MYO1H: variants seen among roughly 807,000 people sequenced by gnomAD.
MYO1H encodes the protein myosin IH, also known as unconventional myosin-Ih.
A neutral mutation model predicts 149.3 loss-of-function variants in MYO1H; 118 were observed. That is an observed-to-expected ratio of 0.79 (90% CI 0.68 to 0.92). The LOEUF (loss-of-function observed/expected upper bound fraction) is 0.92, where lower values mean the gene tolerates loss of function less well. Among genes scored for constraint, MYO1H ranks in the 40% least tolerant of loss-of-function variants. MYO1H has a pLI of 0.00. For synonymous variants in MYO1H, 447 were observed against 465.2 expected, an observed-to-expected ratio of 0.96 and a Z score of 0.50; for missense variants, 1,212 against 1,280.7, an observed-to-expected ratio of 0.95 and a Z score of 0.82.
intron 4 of MYO1H, 150 bp from the exon 5 acceptor site, chr12:109,397,582 G>A (rs1410541643): frequency 5.7e-6 from 3 of 530,582 alleles, no homozygotes; most frequent in Middle Eastern, 2.8e-4. Context: ...TGTAGTTAGC[G>A]ATTCCTTCTT....
intron 6 of MYO1H, 64 bp downstream of exon 6, chr12:109,401,336 G>T: frequency 6.7e-7 from 1 of 1,495,126 alleles, no homozygotes; most frequent in Non-Finnish European, 9.0e-7. Flanking sequence ...ATGTTTCTAC[G>T]TGCTGCTGTA....
At chr12:109,319,447 AATAG>A in the MYO1H span, among the ~76,000 whole-genome samples, 1 of 152,206 alleles carries the variant, frequency 6.6e-6, no homozygotes, top group East Asian at 1.9e-4. Flanking sequence ...GTGCTTGTTT[AATAG>A]ATATAGAGTT....
At chr12:109,369,375 G>T (rs1298167281) in intron 1 of MYO1H, among the ~76,000 whole-genome samples, 2 of 152,282 alleles carry the variant, frequency 1.3e-5, no homozygotes, top group South Asian at 2.1e-4. Context: ...ATGTGATTTT[G>T]TCTGGATAAA....
chr12:109,435,441 C>T (rs1204492675), intron 21 of MYO1H, among the ~76,000 whole-genome samples: 1 of 152,134 alleles, frequency 6.6e-6, no homozygotes, highest in Non-Finnish European at 1.5e-5. Flanking sequence ...CACTTGTCTG[C>T]GTGTCTGATG....
Position 109,424,787 on chromosome 12 carries a change from T to G in MYO1H, c.1684T>G (p.Phe562Val), listed in dbSNP as rs777762380. The change falls in exon 17 of 32, where the codon TTC (phenylalanine) becomes GTC (valine). Residue 562 changes from phenylalanine (F) to valine (V), a missense_variant. By Grantham distance (50) the Phe-to-Val change is conservative. Coordinates refer to ENST00000310903, the Ensembl canonical transcript of MYO1H. ...CAAGAACATTATCCTGAGGGAATGC[T>G]TCCTGCTGGCCGAGTTAGAAAACCG... 5 of 1,613,964 alleles carry G rather than the reference T, an allele frequency of 3.1e-6. No homozygotes were observed. The South Asian group carries it at 5.5e-5, about 18-fold the overall frequency.
chr12:109,366,537 A>C (rs981163185), intron 1 of MYO1H, among the ~76,000 whole-genome samples: 2 of 152,204 alleles, frequency 1.3e-5, no homozygotes, highest in African/African-American at 4.8e-5. Context: ...AGAGGACAAG[A>C]AACCGTACTC....
rs7299173 is a variant in MYO1H at position 109,372,884 on chromosome 12, A to C, written c.13-15799A>C. ...TATATGATATTGAATCTCCCTATCC[A>C]AGAACATAGTATATCTTTCCATTTG... On this transcript the variant is annotated intron_variant, in intron 1 of 31. Transcript: ENST00000310903. 2.9e-3 allele frequency among the ~76,000 whole-genome samples: 441 copies of C among 152,206 alleles called. 4 individuals are homozygous for C. Among genetic ancestry groups the C allele is most frequent in the African/African-American group, 9.5e-3 (397 of 41,574 alleles).
chr12:109,358,464 A>G (rs900375124), intron 1 of MYO1H, among the ~76,000 whole-genome samples: 11 of 152,334 alleles, frequency 7.2e-5, no homozygotes, highest in African/African-American at 2.4e-4. Flanking sequence ...CAGATAAAAC[A>G]GGGCTTCTCA....
At chr12:109,447,407 C>A in exon 32 of MYO1H, 1 of 602,460 alleles carries the variant, frequency 1.7e-6, no homozygotes, top group South Asian at 2.0e-5. Flanking sequence ...GGAAGCAGAC[C>A]CCAGGTCACC....
intron 11 of MYO1H, 27 bp from the exon 12 acceptor site, chr12:109,409,936 A>T: frequency 7.8e-7 from 1 of 1,280,110 alleles, no homozygotes; most frequent in Non-Finnish European, 1.1e-6. Context: ...ATATAACTTT[A>T]GTTACTTAAA....
chr12:109,374,049 T>C (rs1403106067), intron 1 of MYO1H, among the ~76,000 whole-genome samples: 3 of 152,250 alleles, frequency 2.0e-5, no homozygotes, highest in Non-Finnish European at 2.9e-5. Context: ...AGAATTAAAC[T>C]ACATATACTC....
At chr12:109,339,768 A>C in the MYO1H span, among the ~76,000 whole-genome samples, 3 of 152,240 alleles carry the variant, frequency 2.0e-5, no homozygotes, top group Non-Finnish European at 4.4e-5. Flanking sequence ...AGCCTTCCTT[A>C]CCATTATGAA....
rs555950297 is a variant in MYO1H, at chr12:109,420,085, A to G, written c.1598-896A>G. Among the ~76,000 whole-genome samples the G allele has an allele frequency of 5.9e-5, 9 of 152,258 alleles. No individual in the cohort carries two copies. The South Asian group carries it at 1.9e-3, about 32-fold the overall frequency. The stretch of plus-strand genomic sequence containing the variant: ...TCGTGGGGAATTTTCTCATCTATTT[A>G]GAGTCCCAGCTGGCTGTCCTTGAAG... On this transcript the variant is annotated intron_variant, in intron 15 of 31. Transcript: ENST00000310903.
chr12:109,322,228 CTT>C, the MYO1H span, among the ~76,000 whole-genome samples: 1 of 152,144 alleles, frequency 6.6e-6, no homozygotes. Flanking sequence ...CTCCATTAAT[CTT>C]TGCCTGGAGC....
At chr12:109,432,859 T>A (rs1186050225) in intron 19 of MYO1H, 38 bp from the exon 20 acceptor site, 1 of 1,568,864 alleles carries the variant, frequency 6.4e-7, no homozygotes, top group Non-Finnish European at 8.8e-7. Flanking sequence ...TAGAGGAAGG[T>A]ACGGTCACAG....
the MYO1H span, among the ~76,000 whole-genome samples, chr12:109,318,943 A>G: frequency 1.7e-5 from 2 of 116,378 alleles, no homozygotes; most frequent in Admixed American, 1.9e-4. Flanking sequence ...GGTGCGAGGC[A>G]TTTGGGAACT....
Position 109,405,973 on chromosome 12 carries a change from G to A in MYO1H, c.901G>A (p.Glu301Lys), listed in dbSNP as rs900817912. The A allele has an allele frequency of 3.1e-6, 5 of 1,613,880 alleles. No homozygotes were observed. The highest frequency in any genetic ancestry group is 4.5e-5 in the East Asian group (2 of 44,870). Reference sequence around the variant, plus strand: ...CTTACACCTGGGGAACATTGGTTTTGAAGAAGACGACCAAGGCTGTGCCAC... The same window carrying A: ...CTTACACCTGGGGAACATTGGTTTTAAAGAAGACGACCAAGGCTGTGCCAC... Residue 301 changes from glutamate to lysine, a missense_variant, in exon 8 of 32, where the codon GAA becomes AAA. Physicochemically the swap from Glu to Lys is moderately conservative, Grantham distance 56. Coordinates refer to ENST00000310903, the Ensembl canonical transcript of MYO1H.
intron 1 of MYO1H, among the ~76,000 whole-genome samples, chr12:109,386,789 A>G (rs764585223): frequency 9.2e-5 from 14 of 151,960 alleles, no homozygotes; most frequent in Non-Finnish European, 2.1e-4. Flanking sequence ...TGACTTGCCT[A>G]TTTTCTTAAC....
At chr12:109,351,253 C>T (rs1348655825) in intron 1 of MYO1H, among the ~76,000 whole-genome samples, 1 of 152,158 alleles carries the variant, frequency 6.6e-6, no homozygotes, top group African/African-American at 2.4e-5. Flanking sequence ...TGAATTTAAA[C>T]CTGGCCAGGA....
Sources: allele counts gnomAD v4.1 joint callset (sites outside exome capture counted in the v4.1 genomes callset), GRCh38; gene constraint gnomAD v4.1.1; transcripts MANE v1.5; gene names NCBI Gene and HGNC (gene_info 2026-07-23, HGNC 2026-07-21).